The following TENM3 variants were observed in gnomAD, a reference collection of about 807,000 sequenced individuals.
TENM3 encodes teneurin transmembrane protein 3.
Under a neutral mutation model 255.1 loss-of-function variants are expected in TENM3, and 63 were observed. That is an observed-to-expected ratio of 0.25 (90% CI 0.20 to 0.30). The LOEUF (loss-of-function observed/expected upper bound fraction) is 0.30, where lower values mean the gene tolerates loss of function less well. TENM3 is among the 10% of genes least tolerant of loss of function. TENM3 has a pLI of 1.00. For synonymous variants in TENM3, 1,306 were observed against 1,322.3 expected, an observed-to-expected ratio of 0.99 and a Z score of 0.27; for missense variants, 2,929 against 3,461.1, an observed-to-expected ratio of 0.85 and a Z score of 3.86.
chr4:182,538,794 A>G (rs1006139363), intron 3 of TENM3, among the ~76,000 whole-genome samples: 4 of 152,146 alleles, frequency 2.6e-5, no homozygotes, highest in African/African-American at 9.7e-5. Flanking sequence ...GGTTTCCAAG[A>G]TGACAGCTAC....
intron 5 of TENM3, among the ~76,000 whole-genome samples, chr4:182,647,671 T>C (rs1752875032): frequency 1.3e-5 from 2 of 152,304 alleles, no homozygotes; most frequent in East Asian, 1.9e-4. Context: ...TTGTGAATAG[T>C]GCTGGTAAGA....
intron 1 of TENM3, among the ~76,000 whole-genome samples, chr4:182,226,996 C>T (rs991213336): frequency 6.6e-6 from 1 of 152,128 alleles, no homozygotes; most frequent in Admixed American, 6.5e-5. Context: ...CAGTTTAAAG[C>T]TGTCTGTCTT....
chr4:181,870,478 C>T, the TENM3 span, among the ~76,000 whole-genome samples: 1 of 152,072 alleles, frequency 6.6e-6, no homozygotes, highest in Admixed American at 6.6e-5. Context: ...TATTATTCTT[C>T]TGGGTTTAAC....
chr4:181,857,594 A>C, the TENM3 span, among the ~76,000 whole-genome samples: 17 of 105,786 alleles, frequency 1.6e-4, no homozygotes, highest in African/African-American at 1.2e-3. Flanking sequence ...AACAAAAAAA[A>C]AAAAAACAAA....
chr4:181,847,333 T>G, the TENM3 span, among the ~76,000 whole-genome samples: 1 of 152,334 alleles, frequency 6.6e-6, no homozygotes, highest in East Asian at 1.9e-4. Context: ...TATTTTCTTT[T>G]AAGTAAAAAT....
the TENM3 span, among the ~76,000 whole-genome samples, chr4:182,069,395 G>A: frequency 2.0e-5 from 3 of 151,960 alleles, no homozygotes; most frequent in Admixed American, 6.6e-5. Context: ...GCCTCATTTT[G>A]CTCACTGTAA....
intron 13 of TENM3, among the ~76,000 whole-genome samples, chr4:182,714,779 C>T (rs772892888): frequency 6.6e-5 from 10 of 152,174 alleles, no homozygotes; most frequent in South Asian, 4.1e-4. Context: ...TTATTTTCAC[C>T]GTTGACCTCA....
At chr4:182,452,348 G>A (rs1773534769) in intron 3 of TENM3, among the ~76,000 whole-genome samples, 1 of 151,418 alleles carries the variant, frequency 6.6e-6, no homozygotes, top group African/African-American at 2.4e-5. Context: ...GGGGGCGGGG[G>A]GGTGTCCAGT....
At chr4:181,937,977 C>T in the TENM3 span, among the ~76,000 whole-genome samples, 1 of 152,184 alleles carries the variant, frequency 6.6e-6, no homozygotes, top group Non-Finnish European at 1.5e-5. Context: ...TGTGGCCCTT[C>T]CTATATCACC....
chr4:182,319,929 A>G (rs1468141260), intron 1 of TENM3, among the ~76,000 whole-genome samples: 1 of 152,152 alleles, frequency 6.6e-6, no homozygotes. Context: ...CCTTGCCAAC[A>G]TGGTGAAACC....
the TENM3 span, among the ~76,000 whole-genome samples, chr4:181,610,000 A>C: frequency 2.6e-5 from 4 of 152,210 alleles, no homozygotes; most frequent in Non-Finnish European, 4.4e-5. Flanking sequence ...TTATTGCTTT[A>C]ATTTCCTGTC....
chr4:181,701,185 G>T, the TENM3 span, among the ~76,000 whole-genome samples: 1 of 152,220 alleles, frequency 6.6e-6, no homozygotes, highest in African/African-American at 2.4e-5. Flanking sequence ...TTCAACAGAG[G>T]CACTCTCCCA....
the TENM3 span, among the ~76,000 whole-genome samples, chr4:181,812,530 A>G: frequency 6.6e-6 from 1 of 152,236 alleles, no homozygotes. Context: ...TAAAAGCATC[A>G]GACTGAGAGG....
intron 5 of TENM3, chr4:182,631,645 TC>T (rs1398196794): frequency 2.0e-5 from 3 of 152,300 alleles, no homozygotes; most frequent in African/African-American, 7.2e-5. Context: ...AACCCCAGTA[TC>T]AATGAGGAAG....
chr4:181,579,958 T>C, the TENM3 span, among the ~76,000 whole-genome samples: 1 of 63,058 alleles, frequency 1.6e-5, no homozygotes, highest in Non-Finnish European at 3.1e-5. Context: ...TATTTTATTT[T>C]ATTTTATTTT....
intron 3 of TENM3, among the ~76,000 whole-genome samples, chr4:182,348,435 G>A (rs1764970793): frequency 6.6e-6 from 1 of 152,078 alleles, no homozygotes; most frequent in African/African-American, 2.4e-5. Flanking sequence ...CACTCCTTGA[G>A]CAATGGCAGG....
At chr4:181,976,622 G>C in the TENM3 span, 1 of 152,222 alleles carries the variant, frequency 6.6e-6, no homozygotes, top group Non-Finnish European at 1.5e-5. Context: ...AAGGCTGTGA[G>C]TGTTCACAGG....
At chr4:181,605,552 A>AAGGGAGAG in the TENM3 span, among the ~76,000 whole-genome samples, 4 of 29,464 alleles carry the variant, frequency 1.4e-4, no homozygotes, top group African/African-American at 3.2e-4. Context: ...GAAAGAAAGA[A>AAGGGAGAG]AGAAAGAAAG....
intron 12 of TENM3, among the ~76,000 whole-genome samples, chr4:182,708,484 A>C (rs1758462016): frequency 6.6e-6 from 1 of 152,178 alleles, no homozygotes; most frequent in African/African-American, 2.4e-5. Context: ...GAGAACCCAA[A>C]ACTTTCACCA....
Sources: gnomAD v4.1 joint callset for allele counts (sites outside exome capture counted in the v4.1 genomes callset) on GRCh38, gnomAD v4.1.1 for gene constraint, MANE v1.5 for transcripts, NCBI Gene and HGNC (gene_info 2026-07-23, HGNC 2026-07-21) for gene names.